The following PPP4R2 variants were observed in gnomAD, a reference collection of about 807,000 sequenced individuals.
PPP4R2 encodes the protein protein phosphatase 4 regulatory subunit 2, also known as serine/threonine-protein phosphatase 4 regulatory subunit 2.
A neutral mutation model predicts 47.2 loss-of-function variants in PPP4R2; 13 were observed. That is an observed-to-expected ratio of 0.28 (90% CI 0.18 to 0.44). The LOEUF is 0.44. PPP4R2 is among the 20% of genes least tolerant of loss of function. PPP4R2 has a pLI of 1.00. For synonymous variants in PPP4R2, 151 were observed against 163.3 expected, an observed-to-expected ratio of 0.92 and a Z score of 0.57; for missense variants, 421 against 491.2, an observed-to-expected ratio of 0.86 and a Z score of 1.35.
At chr3:73,058,379 G>C (rs1392492716) in intron 3 of PPP4R2, among the ~76,000 whole-genome samples, 1 of 151,898 alleles carries the variant, frequency 6.6e-6, no homozygotes, top group Non-Finnish European at 1.5e-5. Context: ...CCCCCAACTT[G>C]ATTATTATTT....
At chr3:73,033,296 T>G (rs1327053185) in intron 2 of PPP4R2, among the ~76,000 whole-genome samples, 2 of 152,230 alleles carry the variant, frequency 1.3e-5, no homozygotes, top group Admixed American at 6.5e-5. Context: ...TTGACACCTG[T>G]TGATAAATCT....
At chr3:73,002,634 CTTTTT>C (rs1173734970) in intron 2 of PPP4R2, among the ~76,000 whole-genome samples, 64 of 41,156 alleles carry the variant, frequency 1.6e-3, no homozygotes, top group Non-Finnish European at 2.5e-3. Context: ...CTTTTCTTTT[CTTTTT>C]TTTTTTTTTT....
intron 2 of PPP4R2, among the ~76,000 whole-genome samples, chr3:73,042,917 CA>C (rs1702408684): frequency 6.6e-6 from 1 of 152,090 alleles, no homozygotes; most frequent in South Asian, 2.1e-4. Context: ...GAGTTAGTGC[CA>C]TAGAGTCTTT....
intron 1 of PPP4R2, among the ~76,000 whole-genome samples, chr3:72,997,874 T>C (rs982947414): frequency 5.3e-5 from 8 of 152,130 alleles, no homozygotes; most frequent in African/African-American, 1.9e-4. Flanking sequence ...GTGCCCCCTT[T>C]AGGAGGATTC....
At chr3:73,006,174 G>A (rs867043196) in intron 2 of PPP4R2, among the ~76,000 whole-genome samples, 10 of 145,300 alleles carry the variant, frequency 6.9e-5, no homozygotes, top group Admixed American at 5.6e-4. Context: ...TAGATGCATC[G>A]TATGAATATG....
intron 3 of PPP4R2, among the ~76,000 whole-genome samples, chr3:73,057,008 A>G (rs968333042): frequency 6.6e-6 from 1 of 152,246 alleles, no homozygotes; most frequent in South Asian, 2.1e-4. Flanking sequence ...TATTTTGTAT[A>G]TTTTGAATAA....
At chr3:73,016,553 AT>A (rs1427262822) in intron 2 of PPP4R2, among the ~76,000 whole-genome samples, 5 of 152,122 alleles carry the variant, frequency 3.3e-5, no homozygotes, top group African/African-American at 1.2e-4. Context: ...GACCTCTGAA[AT>A]TTAAAAAAAT....
At position 73,004,127 on chromosome 3, in the gene PPP4R2, C is replaced by T. The variant is rs147244923; in HGVS notation, c.116+5969C>T. 4.6e-3 allele frequency among the ~76,000 whole-genome samples: 700 copies of T among 151,396 alleles called. 4 individuals carry two copies. The highest frequency in any genetic ancestry group is 0.016 in the African/African-American group (665 of 41,256). ...TTGGGATTACAGGCATGAGCCACTGCGCCTGGCCTGGAGTTCTTATGTGTA... is the reference window on the plus strand; with the variant it reads ...TTGGGATTACAGGCATGAGCCACTGTGCCTGGCCTGGAGTTCTTATGTGTA... On this transcript the variant is annotated intron_variant, in intron 2 of 8. Coordinates refer to ENST00000356692, the MANE Select transcript of PPP4R2 (RefSeq NM_174907.4).
chr3:73,047,783 G>A (rs1482782088), intron 3 of PPP4R2, among the ~76,000 whole-genome samples: 23 of 152,104 alleles, frequency 1.5e-4, no homozygotes, highest in Admixed American at 1.5e-3. Context: ...CGGCTTGCTT[G>A]TTAGTTACAA....
intron 2 of PPP4R2, among the ~76,000 whole-genome samples, chr3:73,018,391 ACT>A (rs1406483697): frequency 4.9e-5 from 5 of 101,128 alleles, no homozygotes; most frequent in Non-Finnish European, 1.1e-4. Context: ...CCAAGGGATG[ACT>A]CTGCTGTCAT....
At chr3:73,019,783 C>T (rs1701922379) in intron 2 of PPP4R2, among the ~76,000 whole-genome samples, 1 of 152,140 alleles carries the variant, frequency 6.6e-6, no homozygotes, top group African/African-American at 2.4e-5. Flanking sequence ...TACTTGCTCT[C>T]TCTCTTCTCT....
chr3:73,053,509 A>T (rs1702663788), intron 3 of PPP4R2, among the ~76,000 whole-genome samples: 1 of 152,202 alleles, frequency 6.6e-6, no homozygotes, highest in Non-Finnish European at 1.5e-5. Context: ...CCAAGAGATG[A>T]TTAACTTTAT....
intron 3 of PPP4R2, among the ~76,000 whole-genome samples, chr3:73,049,314 C>T (rs1233984446): frequency 3.3e-5 from 5 of 151,890 alleles, no homozygotes; most frequent in Non-Finnish European, 7.4e-5. Flanking sequence ...CTGGCTAACA[C>T]GGTGAAACCC....
chr3:73,067,935 T>C lies in PPP4R2; in HGVS notation c.*2213T>C, dbSNP rs577999679. 8 of 152,342 alleles carry C rather than the reference T, an allele frequency of 5.3e-5. No homozygotes were observed. In the South Asian group the frequency reaches 1.7e-3, roughly 32 times the overall value. The allele number at this position is 152,342 out of a possible 1,614,324, so 9.4% of individuals were successfully genotyped here. A position where few individuals can be genotyped will look rare whatever the true frequency, so the allele number is the denominator to read the frequency against. On this transcript the variant is annotated 3_prime_UTR_variant, in exon 9 of 9. Coordinates refer to ENST00000356692, the MANE Select transcript of PPP4R2 (RefSeq NM_174907.4). ...TATAGTTTAATAGTTTTAATATTTA[T>C]TAGATATTCATATGTTGATCATAGA...
chr3:73,045,875 T>C (rs1393660499), intron 2 of PPP4R2, among the ~76,000 whole-genome samples: 3 of 152,264 alleles, frequency 2.0e-5, no homozygotes, highest in African/African-American at 4.8e-5. Context: ...CTATGAAAAA[T>C]AGCTAGTTCA....
chr3:73,033,242 T>C (rs1702203103), intron 2 of PPP4R2, among the ~76,000 whole-genome samples: 1 of 152,182 alleles, frequency 6.6e-6, no homozygotes, highest in Non-Finnish European at 1.5e-5. Flanking sequence ...AGGTTGAAAA[T>C]TATTGTCTCT....
chr3:73,034,384 A>G (rs1013680603), intron 2 of PPP4R2, among the ~76,000 whole-genome samples: 10 of 152,306 alleles, frequency 6.6e-5, no homozygotes, highest in African/African-American at 2.2e-4. Flanking sequence ...CTTGCTGACT[A>G]TTATTACTCA....
In PPP4R2 at chr3:72,997,089, C is replaced by T. The variant is rs1054506731; in HGVS notation, c.34+18C>T. On this transcript the variant is annotated intron_variant, in intron 1 of 8. Transcript: ENST00000356692. Reference sequence around the variant, plus strand: ...GCTGAAAGGTGGGGGTAGCTGCCCCCTCTCCATTCCCCCTCACCTTCTCCG... The same window carrying T: ...GCTGAAAGGTGGGGGTAGCTGCCCCTTCTCCATTCCCCCTCACCTTCTCCG... 7.3e-7 allele frequency: 1 copy of T among 1,374,812 alleles called. No individual in the cohort carries two copies. Among genetic ancestry groups the T allele is most frequent in the Non-Finnish European group, 9.5e-7 (1 of 1,047,666 alleles). 85.2% of individuals were successfully genotyped at this position (1,374,812 alleles called of 1,614,324 possible). A position where few individuals can be genotyped will look rare whatever the true frequency, so the allele number is the denominator to read the frequency against.
At chr3:73,003,711 T>TGTTTTG (rs140002105) in intron 2 of PPP4R2, among the ~76,000 whole-genome samples, 3 of 151,568 alleles carry the variant, frequency 2.0e-5, no homozygotes, top group Non-Finnish European at 2.9e-5. Context: ...TGTTTTGTTT[T>TGTTTTG]TTTTTGAGAC....
Sources: allele counts gnomAD v4.1 joint callset (sites outside exome capture counted in the v4.1 genomes callset), GRCh38; gene constraint gnomAD v4.1.1; transcripts MANE v1.5; gene names NCBI Gene and HGNC (gene_info 2026-07-23, HGNC 2026-07-21).